Variants in STXBP5L observed in about 807,000 individuals in gnomAD.
The protein encoded by STXBP5L is syntaxin-binding protein 5-like.
Under a neutral mutation model 144.5 loss-of-function variants are expected in STXBP5L, and 65 were observed. The observed-to-expected ratio is 0.45, with a 90% CI of 0.37 to 0.55. STXBP5L has a LOEUF of 0.55. STXBP5L is among the 20% of genes least tolerant of loss of function. The pLI is 0.00. For missense variants in STXBP5L, 1,298 were observed against 1,405.5 expected, an observed-to-expected ratio of 0.92 and a Z score of 1.22; for synonymous variants, 505 against 469.6, an observed-to-expected ratio of 1.08 and a Z score of -0.97.
At position 121,406,208 on chromosome 3, in the gene STXBP5L, A is replaced by T. The variant is rs1215114356; in HGVS notation, c.2588-1035A>T. ...CCGTTACCCTTATATACATTTATAG[A>T]TTTCTTAGTTTTGAAGTGGATTTAA... On this transcript the variant is annotated intron_variant, in intron 22 of 26. Transcript: ENST00000471454. Among the ~76,000 whole-genome samples, 5 of 152,190 alleles carry T rather than the reference A, an allele frequency of 3.3e-5. No homozygotes were observed. The East Asian group carries it at 9.6e-4, about 29-fold the overall frequency.
At chr3:121,044,987 C>T (rs1431574931) in intron 4 of STXBP5L, among the ~76,000 whole-genome samples, 1 of 151,962 alleles carries the variant, frequency 6.6e-6, no homozygotes, top group Non-Finnish European at 1.5e-5. Flanking sequence ...ATACGCTTTC[C>T]AAATATACAG....
chr3:121,042,751 C>A (rs947128265), intron 4 of STXBP5L, among the ~76,000 whole-genome samples: 3 of 152,064 alleles, frequency 2.0e-5, no homozygotes, highest in Admixed American at 2.0e-4. Context: ...TCTCTTGGCT[C>A]AAAGTCTTTC....
chr3:121,086,560 A>G (rs553353258), intron 5 of STXBP5L, among the ~76,000 whole-genome samples: 1 of 152,234 alleles, frequency 6.6e-6, no homozygotes, highest in African/African-American at 2.4e-5. Flanking sequence ...CCTAGGAGCA[A>G]TAGGCTATAC....
At chr3:121,381,179 C>A in intron 21 of STXBP5L, 114 bp from the exon 22 acceptor site, 1 of 1,090,938 alleles carries the variant, frequency 9.2e-7, no homozygotes, top group Non-Finnish European at 1.3e-6. Context: ...GGTCAATTAA[C>A]AAACAATGAA....
chr3:121,338,658 GAGAA>G (rs1277296340), intron 20 of STXBP5L, among the ~76,000 whole-genome samples: 2 of 145,654 alleles, frequency 1.4e-5, no homozygotes, highest in East Asian at 2.0e-4. Context: ...GAAAGAAAAA[GAGAA>G]AGAAAAAAAG....
intron 18 of STXBP5L, among the ~76,000 whole-genome samples, chr3:121,271,140 A>C (rs936681665): frequency 6.6e-6 from 1 of 152,192 alleles, no homozygotes; most frequent in Non-Finnish European, 1.5e-5. Flanking sequence ...TATATTTATA[A>C]GTTAGATTCT....
At position 121,405,163 on chromosome 3, in the gene STXBP5L, C is replaced by A. The variant is rs562454989; in HGVS notation, c.2588-2080C>A. On this transcript the variant is annotated intron_variant, in intron 22 of 26. Transcript: ENST00000471454. The stretch of plus-strand genomic sequence containing the variant: ...AATCTTAATTATTTCCTTAAAGGCT[C>A]CCTCTTCAAATAGATCCATAGTGGG... Among the ~76,000 whole-genome samples, 11 of 152,208 alleles carry A rather than the reference C, an allele frequency of 7.2e-5. No individual in the cohort carries two copies. In the East Asian group the frequency reaches 2.1e-3, roughly 29 times the overall value.
chr3:121,084,965 A>G (rs571815275), intron 5 of STXBP5L, among the ~76,000 whole-genome samples: 12 of 152,170 alleles, frequency 7.9e-5, no homozygotes, highest in East Asian at 5.8e-4. Context: ...CTAATGATCA[A>G]TGATGTTGAC....
chr3:121,144,709 G>A (rs1478948391), intron 7 of STXBP5L, among the ~76,000 whole-genome samples: 1 of 151,922 alleles, frequency 6.6e-6, no homozygotes, highest in African/African-American at 2.4e-5. Context: ...GGCCTAAATG[G>A]CCATTGGCAG....
chr3:121,343,655 C>T (rs1157211467), intron 20 of STXBP5L, among the ~76,000 whole-genome samples: 2 of 152,048 alleles, frequency 1.3e-5, no homozygotes, highest in South Asian at 2.1e-4. Context: ...ACAATTGCTT[C>T]AAAGAGAATA....
At chr3:121,038,854 C>T (rs1410945539) in intron 3 of STXBP5L, among the ~76,000 whole-genome samples, 7 of 151,564 alleles carry the variant, frequency 4.6e-5, no homozygotes, top group South Asian at 2.1e-4. Flanking sequence ...CCTTTAACCC[C>T]GGTAATGTTC....
At chr3:121,245,875 G>T (rs990507569) in intron 14 of STXBP5L, among the ~76,000 whole-genome samples, 4 of 152,096 alleles carry the variant, frequency 2.6e-5, no homozygotes, top group African/African-American at 9.7e-5. Flanking sequence ...GTAATGAACA[G>T]ATCAACTAGA....
chr3:121,018,170 A>G (rs1945277906), intron 3 of STXBP5L, among the ~76,000 whole-genome samples: 1 of 152,174 alleles, frequency 6.6e-6, no homozygotes, highest in South Asian at 2.1e-4. Flanking sequence ...TTCCAACTTG[A>G]TCTATAGATT....
intron 2 of STXBP5L, among the ~76,000 whole-genome samples, chr3:120,910,599 A>G (rs682394): frequency 0.21 from 32,458 of 152,116 alleles, 3,696 homozygotes; most frequent in Non-Finnish European, 0.26. Flanking sequence ...AAATGAATAT[A>G]GTTTTGTAAA....
chr3:121,062,677 C>T (rs2041342728), intron 5 of STXBP5L, among the ~76,000 whole-genome samples: 1 of 152,192 alleles, frequency 6.6e-6, no homozygotes, highest in African/African-American at 2.4e-5. Flanking sequence ...TTCACATAGT[C>T]CCATATTTCT....
At chr3:121,128,285 C>T (rs565242676) in intron 7 of STXBP5L, among the ~76,000 whole-genome samples, 1 of 151,588 alleles carries the variant, frequency 6.6e-6, no homozygotes, top group African/African-American at 2.4e-5. Flanking sequence ...GAAGCCTAGA[C>T]TAAAAAAAAG....
At chr3:121,089,307 T>G (rs923532104) in intron 5 of STXBP5L, among the ~76,000 whole-genome samples, 30 of 151,798 alleles carry the variant, frequency 2.0e-4, no homozygotes, top group Admixed American at 4.6e-4. Context: ...AAATTTTTAG[T>G]TTTCCTTTAC....
At chr3:121,013,464 A>G (rs573563937) in intron 3 of STXBP5L, among the ~76,000 whole-genome samples, 13 of 151,896 alleles carry the variant, frequency 8.6e-5, no homozygotes, top group African/African-American at 3.1e-4. Context: ...AGCATTTTTT[A>G]TATGTTTGTT....
intron 3 of STXBP5L, among the ~76,000 whole-genome samples, chr3:121,012,876 A>T (rs1944883911): frequency 6.6e-6 from 1 of 151,648 alleles, no homozygotes; most frequent in Non-Finnish European, 1.5e-5. Flanking sequence ...TCCAGTATTT[A>T]TGGTTCCTAT....
Sources: allele counts gnomAD v4.1 joint callset (sites outside exome capture counted in the v4.1 genomes callset), GRCh38; gene constraint gnomAD v4.1.1; transcripts MANE v1.5; gene names NCBI Gene and HGNC (gene_info 2026-07-23, HGNC 2026-07-21).